The following DLC1 variants were observed in gnomAD, a reference collection of about 807,000 sequenced individuals.
DLC1 encodes the protein DLC1 Rho GTPase activating protein.
Under a neutral mutation model 140.3 loss-of-function variants are expected in DLC1, and 54 were observed. That is an observed-to-expected ratio of 0.38 (90% CI 0.31 to 0.48). The LOEUF (loss-of-function observed/expected upper bound fraction) is 0.48, where lower values mean the gene tolerates loss of function less well. Ranked by LOEUF, DLC1 falls within the 20% of genes least tolerant of loss-of-function variation. The pLI, the probability that DLC1 is intolerant of heterozygous loss-of-function variation, is 0.96. For missense variants in DLC1, 2,536 were observed against 1,907.0 expected, an observed-to-expected ratio of 1.33 and a Z score of -6.14; for synonymous variants, 986 against 728.1, an observed-to-expected ratio of 1.35 and a Z score of -5.70.
intron 7 of DLC1, among the ~76,000 whole-genome samples, chr8:13,104,246 C>G (rs1295123768): frequency 6.6e-6 from 1 of 151,738 alleles, no homozygotes; most frequent in Non-Finnish European, 1.5e-5. Context: ...CTTTTTGCAA[C>G]AGCCATCCTA....
chr8:13,095,165 TTGA>T lies in DLC1; in HGVS notation c.3245_3247del (p.Val1082_Asn1083delinsAsp). ...CAACGGTTGTCCTGTGCGCTGCACG[TTGA>T]CCGTCAGTGGGACCCCAAACACACT... On this transcript the variant is annotated inframe_deletion, in exon 11 of 18. Coordinates refer to ENST00000276297, the MANE Select transcript of DLC1 (RefSeq NM_182643.3). 1 of 1,614,266 alleles carries T rather than the reference TTGA, an allele frequency of 6.2e-7. No individual in the cohort carries two copies. Among genetic ancestry groups the T allele is most frequent in the Non-Finnish European group, 8.5e-7 (1 of 1,180,050 alleles).
chr8:13,215,161 T>C (rs764418117), intron 5 of DLC1, among the ~76,000 whole-genome samples: 5 of 152,200 alleles, frequency 3.3e-5, no homozygotes, highest in Non-Finnish European at 7.3e-5. Context: ...CTACATTCTC[T>C]ATATCCTTAC....
intron 5 of DLC1, among the ~76,000 whole-genome samples, chr8:13,119,399 G>C (rs576397134): frequency 4.6e-5 from 7 of 152,092 alleles, no homozygotes; most frequent in Non-Finnish European, 8.8e-5. Context: ...GGCCTGAAAT[G>C]CTGAAGATGA....
intron 1 of DLC1, among the ~76,000 whole-genome samples, chr8:13,570,348 G>A (rs1585286423): frequency 1.3e-5 from 2 of 149,260 alleles, no homozygotes; most frequent in African/African-American, 2.5e-5. Flanking sequence ...ACATTGTGCA[G>A]GTTAGTTACA....
intron 2 of DLC1, among the ~76,000 whole-genome samples, chr8:13,409,565 T>C (rs147575627): frequency 2.6e-5 from 4 of 152,314 alleles, no homozygotes; most frequent in Non-Finnish European, 4.4e-5. Context: ...TTATCTGAAA[T>C]TAAAGTGTAA....
intron 1 of DLC1, among the ~76,000 whole-genome samples, chr8:13,595,014 T>C (rs1805638258): frequency 1.3e-5 from 2 of 151,962 alleles, no homozygotes; most frequent in Non-Finnish European, 2.9e-5. Flanking sequence ...TCTTCAATTG[T>C]TGTGAGAAAA....
intron 5 of DLC1, among the ~76,000 whole-genome samples, chr8:13,131,013 C>T (rs111586991): frequency 3.4e-4 from 52 of 152,328 alleles, no homozygotes; most frequent in African/African-American, 1.3e-3. Flanking sequence ...CAATCGCCAA[C>T]ATTTTCTCAG....
intron 4 of DLC1, among the ~76,000 whole-genome samples, chr8:13,306,847 G>A (rs1832458052): frequency 6.6e-6 from 1 of 151,862 alleles, no homozygotes; most frequent in Admixed American, 6.6e-5. Context: ...ACTTTGGGAG[G>A]CCGAGGCGGG....
At chr8:13,576,971 G>T (rs988382315) in intron 1 of DLC1, among the ~76,000 whole-genome samples, 1 of 152,030 alleles carries the variant, frequency 6.6e-6, no homozygotes. Context: ...GAACATATTA[G>T]TAATATCTCT....
intron 1 of DLC1, among the ~76,000 whole-genome samples, chr8:13,554,362 G>A (rs1803970067): frequency 6.6e-6 from 1 of 152,080 alleles, no homozygotes; most frequent in Admixed American, 6.6e-5. Context: ...CACTGCATCT[G>A]GCTATATGCT....
chr8:13,528,466 G>C (rs902390583), intron 1 of DLC1, among the ~76,000 whole-genome samples: 7 of 152,152 alleles, frequency 4.6e-5, no homozygotes, highest in Admixed American at 2.6e-4. Context: ...TTGTTTGAAA[G>C]AGTTTGTAAA....
chr8:13,313,993 G>C (rs1832776002), intron 4 of DLC1, among the ~76,000 whole-genome samples: 1 of 151,948 alleles, frequency 6.6e-6, no homozygotes, highest in South Asian at 2.1e-4. Flanking sequence ...GTACGTCTTG[G>C]AGCAGCAGGA....
intron 5 of DLC1, among the ~76,000 whole-genome samples, chr8:13,131,377 T>A (rs1314794532): frequency 3.3e-5 from 5 of 152,234 alleles, no homozygotes; most frequent in Non-Finnish European, 5.9e-5. Flanking sequence ...GACTCAGTAT[T>A]CTGCCTTCTC....
intron 3 of DLC1, among the ~76,000 whole-genome samples, chr8:13,397,086 A>T (rs1390356826): frequency 6.6e-6 from 1 of 151,488 alleles, no homozygotes; most frequent in Admixed American, 6.6e-5. Flanking sequence ...CATGGCAGGG[A>T]CTCCAGTGTG....
intron 1 of DLC1, among the ~76,000 whole-genome samples, chr8:13,544,331 G>T (rs1435404197): frequency 1.3e-5 from 2 of 152,088 alleles, no homozygotes; most frequent in Non-Finnish European, 2.9e-5. Flanking sequence ...ATTTTTATCA[G>T]TGATTGTTCT....
intron 4 of DLC1, among the ~76,000 whole-genome samples, chr8:13,373,361 G>A (rs1335709168): frequency 6.6e-6 from 1 of 152,088 alleles, no homozygotes; most frequent in Non-Finnish European, 1.5e-5. Flanking sequence ...GAATATTTCA[G>A]GCTTTCTGGA....
intron 2 of DLC1, among the ~76,000 whole-genome samples, chr8:13,460,330 T>C (rs1319740695): frequency 6.6e-6 from 1 of 152,240 alleles, no homozygotes; most frequent in Non-Finnish European, 1.5e-5. Flanking sequence ...CTTCCTTTTT[T>C]ATAACAGCTC....
chr8:13,088,903 C>T (rs1041914987), intron 15 of DLC1, among the ~76,000 whole-genome samples, 199 bp from the exon 16 acceptor site: 3 of 151,878 alleles, frequency 2.0e-5, no homozygotes, highest in Admixed American at 6.6e-5. Context: ...GGCTGCTGTC[C>T]CCAAGCATAT....
chr8:13,301,793 T>G (rs543095393), intron 5 of DLC1, among the ~76,000 whole-genome samples: 5 of 152,254 alleles, frequency 3.3e-5, no homozygotes, highest in African/African-American at 1.2e-4. Flanking sequence ...GCGGCAGCAT[T>G]AGATTCTCAG....
Sources: gnomAD v4.1 joint callset for allele counts (sites outside exome capture counted in the v4.1 genomes callset) on GRCh38, gnomAD v4.1.1 for gene constraint, MANE v1.5 for transcripts, NCBI Gene and HGNC (gene_info 2026-07-23, HGNC 2026-07-21) for gene names.